Variants in BPIFB3 observed in about 807,000 individuals in gnomAD.
BPIFB3 encodes the protein BPI fold containing family B member 3.
Under a neutral mutation model 53.1 loss-of-function variants are expected in BPIFB3, and 49 were observed. The ratio of observed to expected loss-of-function variants is 0.92; its 90% confidence interval spans 0.73 to 1.17. The LOEUF (loss-of-function observed/expected upper bound fraction) is 1.17, where lower values mean the gene tolerates loss of function less well. Among genes scored for constraint, BPIFB3 ranks in the 50% most tolerant of loss-of-function variants. The pLI, the probability that BPIFB3 is intolerant of heterozygous loss-of-function variation, is 0.00. For missense variants in BPIFB3, 628 were observed against 592.5 expected (o/e 1.06, Z -0.62); for synonymous variants, 271 against 269.6 (o/e 1.01, Z -0.05).
chr20:33,072,407 C>G (rs757891273), intron 13 of BPIFB3, among the ~76,000 whole-genome samples: 1 of 152,112 alleles, frequency 6.6e-6, no homozygotes, highest in Non-Finnish European at 1.5e-5. Flanking sequence ...GCCTTAAGCT[C>G]CCACAGTCTA....
exon 4 of BPIFB3, chr20:33,059,970 A>G: frequency 6.2e-7 from 1 of 1,614,118 alleles, no homozygotes; most frequent in Non-Finnish European, 8.5e-7. Flanking sequence ...CTCAAGGGGC[A>G]CACCCATCCT....
chr20:33,059,124 G>GCA (rs1378514893), intron 2 of BPIFB3, among the ~76,000 whole-genome samples: 1 of 152,104 alleles, frequency 6.6e-6, no homozygotes, highest in Non-Finnish European at 1.5e-5. Context: ...CATTTGTTGA[G>GCA]CACACACCGT....
intron 2 of BPIFB3, among the ~76,000 whole-genome samples, chr20:33,058,759 A>G (rs1045349751): frequency 1.3e-4 from 19 of 151,890 alleles, no homozygotes; most frequent in African/African-American, 4.4e-4. Flanking sequence ...GCAGGGTGGG[A>G]TAGGCGCTCA....
At chr20:33,063,469 C>T in intron 5 of BPIFB3, 146 bp from the exon 7 acceptor site, 1 of 809,600 alleles carries the variant, frequency 1.2e-6, no homozygotes, top group East Asian at 2.8e-5. Flanking sequence ...TGCCTCCCAC[C>T]TGTGTGTCTT....
intron 10 of BPIFB3, 58 bp downstream of exon 11, chr20:33,069,031 G>A (rs2424938): frequency 0.76 from 1,184,131 of 1,562,896 alleles, 451,220 homozygotes; most frequent in East Asian, 0.99. Context: ...GGGGGTGACT[G>A]TCTCCAGGAC....
intron 2 of BPIFB3, among the ~76,000 whole-genome samples, chr20:33,058,915 G>A (rs961802675): frequency 7.9e-5 from 12 of 152,178 alleles, no homozygotes; most frequent in African/African-American, 2.6e-4. Flanking sequence ...AAATGGCCTG[G>A]GCAAAGACCC....
intron 11 of BPIFB3, among the ~76,000 whole-genome samples, chr20:33,070,646 G>A (rs754672918): frequency 1.3e-5 from 2 of 152,192 alleles, no homozygotes; most frequent in African/African-American, 2.4e-5. Context: ...GAGACCTGAC[G>A]TCCTACGCCA....
intron 9 of BPIFB3, among the ~76,000 whole-genome samples, chr20:33,068,262 C>T (rs1980744674): frequency 6.6e-6 from 1 of 152,170 alleles, no homozygotes; most frequent in African/African-American, 2.4e-5. Context: ...CATGGAGTGG[C>T]GAAGCTGGCT....
At chr20:33,055,576 G>A (rs1980164628) in intron 1 of BPIFB3, 29 bp downstream of exon 2, 2 of 1,612,514 alleles carry the variant, frequency 1.2e-6, no homozygotes, top group Admixed American at 1.7e-5. Context: ...GTCTGTGAGG[G>A]GGCTGCTGCA....
intron 4 of BPIFB3, among the ~76,000 whole-genome samples, chr20:33,061,268 G>T (rs769301198): frequency 1.4e-4 from 21 of 152,116 alleles, no homozygotes; most frequent in Non-Finnish European, 2.6e-4. Context: ...GGGGCTCTGT[G>T]GTTGCCATCC....
chr20:33,057,276 C>T (rs1410991500), intron 2 of BPIFB3, among the ~76,000 whole-genome samples: 2 of 152,108 alleles, frequency 1.3e-5, no homozygotes, highest in Non-Finnish European at 2.9e-5. Flanking sequence ...GCAACCTCCG[C>T]TTCCCGGGTT....
chr20:33,058,796 C>G (rs1019590300), intron 2 of BPIFB3, among the ~76,000 whole-genome samples: 19 of 151,864 alleles, frequency 1.3e-4, no homozygotes, highest in African/African-American at 4.4e-4. Context: ...GGCAGAAAAC[C>G]AGGATGGAAG....
chr20:33,055,483 A>G (rs560586783), exon 1 of BPIFB3: 2 of 1,613,842 alleles, frequency 1.2e-6, no homozygotes, highest in South Asian at 2.2e-5. Context: ...TGGCGACTCC[A>G]TGCCAGGAGC....
rs1980668029 is a variant in BPIFB3 at position 33,066,276 on chromosome 20, G to T, written c.925-548G>T. ...GCCACTCAGCTGCCACAAGGGGAGG[G>T]GGTGCAGGCTCAGTGTGACCAGATT... is the stretch of plus-strand genomic sequence containing the variant. On this transcript the variant is annotated intron_variant, in intron 8 of 14. Coordinates refer to ENST00000375494, the Ensembl canonical transcript of BPIFB3. 2.0e-5 allele frequency among the ~76,000 whole-genome samples: 3 copies of T among 152,298 alleles called. No individual in the cohort carries two copies. The South Asian group carries it at 6.2e-4, about 32-fold the overall frequency.
intron 1 of BPIFB3, 45 bp from the exon 3 acceptor site, chr20:33,056,497 G>A (rs1206613365): frequency 1.9e-6 from 3 of 1,608,862 alleles, no homozygotes; most frequent in Non-Finnish European, 2.5e-6. Context: ...TCCTGGGGGT[G>A]AGGTTGGAGT....
chr20:33,068,997 G>A (rs763409960), intron 10 of BPIFB3, 24 bp downstream of exon 11: 1 of 1,603,842 alleles, frequency 6.2e-7, no homozygotes, highest in Non-Finnish European at 8.5e-7. Flanking sequence ...GGGTGGCTGG[G>A]GGCCCGGCAT....
At chr20:33,072,645 G>A (rs952816293) in intron 13 of BPIFB3, 72 bp from the exon 15 acceptor site, 1 of 1,282,248 alleles carries the variant, frequency 7.8e-7, no homozygotes, top group East Asian at 2.3e-5. Context: ...GGGTCAGCAG[G>A]GTCCGAGGGT....
At chr20:33,073,741 G>A, downstream of BPIFB3, 1 of 1,006,106 alleles carries the variant, frequency 9.9e-7, no homozygotes, top group South Asian at 1.6e-5. Flanking sequence ...ACTACTCCAA[G>A]TTTGGGGTGG....
At chr20:33,073,699 G>A (rs1980994688), downstream of BPIFB3, 4 of 1,484,622 alleles carry the variant, frequency 2.7e-6, no homozygotes, top group Middle Eastern at 1.7e-4. Flanking sequence ...GCTGATGTTG[G>A]TGACAGTAAA....
Sources: gnomAD v4.1 joint callset for allele counts (sites outside exome capture counted in the v4.1 genomes callset) on GRCh38, gnomAD v4.1.1 for gene constraint, MANE v1.5 for transcripts, NCBI Gene and HGNC (gene_info 2026-07-23, HGNC 2026-07-21) for gene names.